Variants in PLCG2 observed in about 807,000 individuals in gnomAD.
PLCG2 encodes the protein 1-phosphatidylinositol 4,5-bisphosphate phosphodiesterase gamma-2.
PLCG2 carries 69 observed loss-of-function variants against 175.6 expected under a neutral mutation model. That is an observed-to-expected ratio of 0.39 (90% confidence interval 0.32 to 0.48). PLCG2 has a LOEUF of 0.48. PLCG2 is among the 20% of genes least tolerant of loss of function. The probability of loss-of-function intolerance (pLI) is 0.91; values close to 1 mark genes in which losing one functional copy is unlikely to be tolerated. For missense variants in PLCG2, 1,798 were observed against 1,650.9 expected (o/e 1.09, Z -1.54); for synonymous variants, 827 against 624.0 (o/e 1.33, Z -4.85).
At chr16:81,873,633 A>T (rs1340448044) in intron 7 of PLCG2, among the ~76,000 whole-genome samples, 1 of 152,198 alleles carries the variant, frequency 6.6e-6, no homozygotes, top group African/African-American at 2.4e-5. Flanking sequence ...AAGTTTGAAA[A>T]TAAGATTTGC....
Position 81,897,814 on chromosome 16 carries a change from G to T in PLCG2, c.1193+1887G>T, listed in dbSNP as rs116702733. ...CCCGCCTCAACCTCCCAAAGTGTGG[G>T]GATTATGGGCATGAGCCACCGTGCC... On this transcript the variant is annotated intron_variant, in intron 13 of 32. Coordinates refer to ENST00000564138, the MANE Select transcript of PLCG2 (RefSeq NM_002661.5). The T allele has an allele frequency of 2.4e-3, 1,100 of 455,500 alleles. 4 individuals carry two copies. Among genetic ancestry groups the T allele is most frequent in the African/African-American group, 0.02 (991 of 50,098 alleles). The allele number at this position is 455,500 out of a possible 1,614,324, so 28.2% of individuals were successfully genotyped here.
chr16:81,752,034 T>C (rs1349903148), intron 1 of PLCG2, among the ~76,000 whole-genome samples: 2 of 150,702 alleles, frequency 1.3e-5, no homozygotes, highest in East Asian at 1.9e-4. Flanking sequence ...AAAATAAATA[T>C]AAAAAAAATA....
chr16:81,906,454 T>C (rs1909374819), intron 15 of PLCG2: 1 of 152,228 alleles, frequency 6.6e-6, no homozygotes, highest in East Asian at 1.9e-4. Context: ...TTAGATAGTC[T>C]TGCTCCATTG....
intron 2 of PLCG2, among the ~76,000 whole-genome samples, chr16:81,759,237 C>A (rs1597304988): frequency 6.6e-6 from 1 of 152,200 alleles, no homozygotes; most frequent in East Asian, 1.9e-4. Context: ...CTTTCCTATT[C>A]TGTAGGCTCC....
intron 23 of PLCG2, among the ~76,000 whole-genome samples, chr16:81,928,268 G>T (rs4889442): frequency 0.68 from 102,526 of 151,874 alleles, 35,415 homozygotes; most frequent in Admixed American, 0.77. Flanking sequence ...GGATGTGTTT[G>T]GAAACCAGAT....
In PLCG2 at chr16:81,858,280, G is replaced by A. The variant is rs1906784792; in HGVS notation, c.355G>A (p.Ala119Thr). Reference protein sequence around the residue: ...LSLAADSKEDAVNWLSGLKIL... With the variant: ...LSLAADSKEDTVNWLSGLKIL... Reference sequence around the variant, plus strand: ...CACTCCAGCTGACTCTAAAGAGGATGCAGTTAACTGGCTCTCTGGCTTGAA... The same window carrying A: ...CACTCCAGCTGACTCTAAAGAGGATACAGTTAACTGGCTCTCTGGCTTGAA... Residue 119 changes from alanine (A) to threonine (T), a missense_variant, in exon 4 of 33, where the codon GCA (alanine) becomes ACA (threonine). Transcript: ENST00000564138. 3.1e-6 allele frequency: 5 copies of A among 1,612,732 alleles called. No homozygotes were observed. The highest frequency in any genetic ancestry group is 4.2e-6 in the Non-Finnish European group (5 of 1,178,714).
At chr16:81,755,101 C>T (rs974200543) in intron 1 of PLCG2, among the ~76,000 whole-genome samples, 1 of 152,138 alleles carries the variant, frequency 6.6e-6, no homozygotes, top group East Asian at 1.9e-4. Context: ...AAGATGAGTT[C>T]AGTCTTAGCA....
At chr16:81,873,047 A>G (rs1463517649) in intron 7 of PLCG2, among the ~76,000 whole-genome samples, 1 of 152,194 alleles carries the variant, frequency 6.6e-6, no homozygotes, top group Non-Finnish European at 1.5e-5. Context: ...CTTAGAGTGG[A>G]TCATTGAATT....
chr16:81,866,598 A>G lies in PLCG2; in HGVS notation c.480-2616A>G, dbSNP rs1376903159. Reference sequence around the variant, plus strand: ...CTCCCTTGCTCCCAAGATGAGCTCCACTGGGGCACTAGCATGAGAGGATGC... The same window carrying G: ...CTCCCTTGCTCCCAAGATGAGCTCCGCTGGGGCACTAGCATGAGAGGATGC... On this transcript the variant is annotated intron_variant, in intron 5 of 32. Coordinates refer to ENST00000564138, the MANE Select transcript of PLCG2 (RefSeq NM_002661.5). Among the ~76,000 whole-genome samples, 3 of 94,156 alleles carry G rather than the reference A, an allele frequency of 3.2e-5. 1 individual carries two copies. Among genetic ancestry groups the G allele is most frequent in the Non-Finnish European group, 7.6e-5 (3 of 39,460 alleles). The allele number at this position is 94,156 out of a possible 152,430, so 61.8% of individuals were successfully genotyped here.
intron 21 of PLCG2, among the ~76,000 whole-genome samples, chr16:81,922,665 G>A (rs1910106058): frequency 1.3e-5 from 2 of 152,182 alleles, no homozygotes; most frequent in South Asian, 4.1e-4. Context: ...CCTGTGTTCT[G>A]AGGAAAAATT....
chr16:81,869,546 G>C (rs778257517), intron 6 of PLCG2, among the ~76,000 whole-genome samples: 6 of 152,158 alleles, frequency 3.9e-5, no homozygotes, highest in Non-Finnish European at 5.9e-5. Context: ...TCTACCCTCA[G>C]ACCTGTTTTC....
At chr16:81,750,574 C>T (rs1470731120) in intron 1 of PLCG2, among the ~76,000 whole-genome samples, 2 of 151,006 alleles carry the variant, frequency 1.3e-5, no homozygotes, top group Non-Finnish European at 2.9e-5. Flanking sequence ...ACCTAAATGT[C>T]CATCAACAGA....
At chr16:81,809,909 G>A (rs982349295) in intron 2 of PLCG2, among the ~76,000 whole-genome samples, 8 of 151,942 alleles carry the variant, frequency 5.3e-5, no homozygotes, top group Non-Finnish European at 8.8e-5. Context: ...ATACTGTGTA[G>A]CTCACAGCAT....
At chr16:81,769,311 C>T (rs1910221672) in intron 2 of PLCG2, among the ~76,000 whole-genome samples, 3 of 152,214 alleles carry the variant, frequency 2.0e-5, no homozygotes, top group South Asian at 2.1e-4. Context: ...TGGGTTTCTT[C>T]CCTGTTGTTT....
At chr16:81,815,748 T>C (rs561611766) in intron 2 of PLCG2, among the ~76,000 whole-genome samples, 5 of 152,316 alleles carry the variant, frequency 3.3e-5, no homozygotes, top group Non-Finnish European at 7.4e-5. Context: ...TTTGTAGGTC[T>C]TAAGTGCGCT....
rs568296421 is a variant in PLCG2 at position 81,958,976 on chromosome 16, T to C, written c.*978T>C. On this transcript the variant is annotated 3_prime_UTR_variant, in exon 33 of 33. Transcript: ENST00000564138. ...TTAGGGTGTTACAGAAAATTTCAAATGCAGCCATCTCCCTTGGGGCAGATC... is the reference window on the plus strand; with the variant it reads ...TTAGGGTGTTACAGAAAATTTCAAACGCAGCCATCTCCCTTGGGGCAGATC... 1.8e-5 allele frequency: 4 copies of C among 223,542 alleles called. No homozygotes were observed. The East Asian group carries it at 2.6e-4, about 14-fold the overall frequency. The allele number at this position is 223,542 out of a possible 1,614,324, so 13.8% of individuals were successfully genotyped here. A position where few individuals can be genotyped will look rare whatever the true frequency, so the allele number is the denominator to read the frequency against.
intron 2 of PLCG2, among the ~76,000 whole-genome samples, chr16:81,771,864 A>G (rs186238137): frequency 2.0e-5 from 3 of 151,760 alleles, no homozygotes; most frequent in African/African-American, 4.8e-5. Flanking sequence ...GCTCACTGCA[A>G]CCTCCACCTC....
Position 81,786,194 on chromosome 16 carries a change from C to T in PLCG2, c.193+12C>T. The stretch of plus-strand genomic sequence containing the variant: ...GATCGAGGGCTTCTGTGAGTACTCG[C>T]TGGGTGGGGCAGTGTGGCCCGTCCT... On this transcript the variant is annotated intron_variant, in intron 2 of 32. Coordinates refer to ENST00000564138, the MANE Select transcript of PLCG2 (RefSeq NM_002661.5). 6.2e-7 allele frequency: 1 copy of T among 1,610,970 alleles called. No individual in the cohort carries two copies. Among genetic ancestry groups the T allele is most frequent in the Non-Finnish European group, 8.5e-7 (1 of 1,178,132 alleles).
chr16:81,754,973 C>G (rs1415420368), intron 1 of PLCG2, among the ~76,000 whole-genome samples: 3 of 152,080 alleles, frequency 2.0e-5, no homozygotes, highest in Non-Finnish European at 4.4e-5. Flanking sequence ...GAGGAAGAAC[C>G]AGCTGTGTGT....
Sources: allele counts gnomAD v4.1 joint callset (sites outside exome capture counted in the v4.1 genomes callset), GRCh38; gene constraint gnomAD v4.1.1; transcripts MANE v1.5; gene names NCBI Gene and HGNC (gene_info 2026-07-23, HGNC 2026-07-21).